PHF5A: variants seen among roughly 807,000 people sequenced by gnomAD.
PHF5A encodes PHD finger-like domain-containing protein 5A.
For missense variants in PHF5A, 24 were observed against 140.6 expected (o/e 0.17, Z 4.19); for synonymous variants, 52 against 46.0 (o/e 1.13, Z -0.52).
chr22:41,460,608 C>G (rs752541521), intron 3 of PHF5A, 121 bp from the exon 4 acceptor site: 20 of 608,944 alleles, frequency 3.3e-5, no homozygotes, highest in Admixed American at 6.1e-5. Context: ...ACTCGAAGGC[C>G]GAGGCAGGAG....
chr22:41,466,037 G>A (rs2037863972), intron 3 of PHF5A, among the ~76,000 whole-genome samples: 1 of 152,176 alleles, frequency 6.6e-6, no homozygotes, highest in Non-Finnish European at 1.5e-5. Flanking sequence ...GGAACAAGGT[G>A]TGATAACATC....
intron 2 of PHF5A, chr22:41,467,905 C>G (rs2037883616): frequency 4.9e-6 from 3 of 616,588 alleles, no homozygotes; most frequent in Non-Finnish European, 8.6e-6. Flanking sequence ...AGGGGTCATG[C>G]TACTCTGGCG....
chr22:41,461,794 T>C (rs1331324079), intron 3 of PHF5A, among the ~76,000 whole-genome samples: 5 of 151,964 alleles, frequency 3.3e-5, no homozygotes, highest in Admixed American at 2.0e-4. Flanking sequence ...TCCCGAGTAG[T>C]GGGGAGTACA....
chr22:41,466,474 A>G (rs183806040), intron 3 of PHF5A, among the ~76,000 whole-genome samples: 1 of 152,328 alleles, frequency 6.6e-6, no homozygotes, highest in African/African-American at 2.4e-5. Context: ...TTGTCACGAT[A>G]TACACCCAAA....
chr22:41,467,578 C>T lies in PHF5A; in HGVS notation c.113G>A (p.Arg38His). The change falls in exon 3 of 4, where the codon CGT becomes CAT. Residue 38 changes from arginine to histidine, a missense_variant. Physicochemically the swap from Arg to His is conservative, Grantham distance 29. Coordinates refer to ENST00000216252, the MANE Select transcript of PHF5A (RefSeq NM_032758.4). ...ACATATGCGCACCAGAGTGCAGGGACGCACATAGGAGTCACAAATCACACA... is the reference window on the plus strand; with the variant it reads ...ACATATGCGCACCAGAGTGCAGGGATGCACATAGGAGTCACAAATCACACA... The part of the protein sequence containing the change: ...GKCVICDSYV[R>H]PCTLVRICDE... 2 of 1,614,154 alleles carry T rather than the reference C, an allele frequency of 1.2e-6. No individual in the cohort carries two copies. The highest frequency in any genetic ancestry group is 8.5e-7 in the Non-Finnish European group (1 of 1,180,034).
intron 3 of PHF5A, among the ~76,000 whole-genome samples, chr22:41,467,135 A>C (rs1248158003): frequency 6.6e-6 from 1 of 151,964 alleles, no homozygotes; most frequent in East Asian, 1.9e-4. Flanking sequence ...CAAAGTGCTG[A>C]GATTACAGGT....
intron 3 of PHF5A, among the ~76,000 whole-genome samples, chr22:41,465,632 A>G (rs1352135564): frequency 6.6e-6 from 1 of 150,646 alleles, no homozygotes; most frequent in Non-Finnish European, 1.5e-5. Context: ...CTGTAATCCC[A>G]GCACTTCGGG....
intron 3 of PHF5A, among the ~76,000 whole-genome samples, chr22:41,463,665 C>G (rs757303217): frequency 7.5e-6 from 1 of 132,536 alleles, no homozygotes; most frequent in Non-Finnish European, 1.5e-5. Flanking sequence ...GCATAGGTTG[C>G]AGTGAGCCAA....
At chr22:41,462,277 C>T (rs1190198142) in intron 3 of PHF5A, among the ~76,000 whole-genome samples, 1 of 152,172 alleles carries the variant, frequency 6.6e-6, no homozygotes, top group Non-Finnish European at 1.5e-5. Flanking sequence ...ACACCCATGT[C>T]AGAGTTTGAG....
intron 3 of PHF5A, 124 bp downstream of exon 3, chr22:41,467,324 A>T (rs2037874984): frequency 2.1e-6 from 2 of 968,146 alleles, no homozygotes; most frequent in African/African-American, 1.7e-5. Context: ...CAGAACTTGA[A>T]GAAATTATAA....
intron 3 of PHF5A, among the ~76,000 whole-genome samples, chr22:41,465,322 T>C (rs1375073291): frequency 6.6e-6 from 1 of 152,020 alleles, no homozygotes; most frequent in Admixed American, 6.6e-5. Context: ...GGATTACAGA[T>C]GTGTGCCACC....
intron 3 of PHF5A, among the ~76,000 whole-genome samples, chr22:41,465,581 T>G (rs767896324): frequency 1.6e-4 from 24 of 152,118 alleles, no homozygotes; most frequent in Admixed American, 4.6e-4. Flanking sequence ...CCAGAAACAC[T>G]TGTAAAAGGA....
chr22:41,465,686 C>T (rs79470435), intron 3 of PHF5A, among the ~76,000 whole-genome samples: 1,785 of 152,170 alleles, frequency 0.012, 38 homozygotes, highest in African/African-American at 0.041. Context: ...TTGAGTCCAA[C>T]CTGGCCAGCA....
chr22:41,467,182 T>G (rs2037873355), intron 3 of PHF5A, among the ~76,000 whole-genome samples: 1 of 152,082 alleles, frequency 6.6e-6, no homozygotes, highest in South Asian at 2.1e-4. Context: ...CATTTCTGAA[T>G]AAGAATAACC....
In PHF5A at chr22:41,460,244, T is replaced by G. The variant is rs1366557846; in HGVS notation, c.*154A>C. ...TTTCCATCCCTACCACGTGTCTGGG[T>G]GAAGGGAGAGGAGGGGGTGGCAAGC... On this transcript the variant is annotated 3_prime_UTR_variant, in exon 4 of 4. Coordinates refer to ENST00000216252, the MANE Select transcript of PHF5A (RefSeq NM_032758.4). 1.7e-6 allele frequency: 1 copy of G among 588,722 alleles called. No individual in the cohort carries two copies. Among genetic ancestry groups the G allele is most frequent in the African/African-American group, 1.8e-5 (1 of 54,146 alleles). 36.5% of individuals were successfully genotyped at this position (588,722 alleles called of 1,614,324 possible).
chr22:41,465,077 A>G (rs1026714557), intron 3 of PHF5A, among the ~76,000 whole-genome samples: 10 of 152,224 alleles, frequency 6.6e-5, no homozygotes, highest in Admixed American at 6.5e-4. Context: ...GTAAATGCAA[A>G]TCAGAGTTGA....
chr22:41,467,830 G>A (rs1294765396), intron 2 of PHF5A, among the ~76,000 whole-genome samples: 4 of 152,202 alleles, frequency 2.6e-5, no homozygotes, highest in African/African-American at 9.7e-5. Flanking sequence ...TATGTGAAGA[G>A]CTTAGAAAAG....
At chr22:41,466,394 C>G (rs1181229769) in intron 3 of PHF5A, among the ~76,000 whole-genome samples, 1 of 152,174 alleles carries the variant, frequency 6.6e-6, no homozygotes, top group Non-Finnish European at 1.5e-5. Context: ...ATCATTTCTG[C>G]AATATTAAAC....
chr22:41,468,200 G>C, intron 1 of PHF5A, 53 bp from the exon 2 acceptor site: 2 of 1,598,784 alleles, frequency 1.3e-6, no homozygotes, highest in Non-Finnish European at 8.6e-7. Flanking sequence ...TTTTGAGAAA[G>C]AGGAGAAGTA....
Sources: gnomAD v4.1 joint callset for allele counts (sites outside exome capture counted in the v4.1 genomes callset) on GRCh38, gnomAD v4.1.1 for gene constraint, MANE v1.5 for transcripts, NCBI Gene and HGNC (gene_info 2026-07-23, HGNC 2026-07-21) for gene names.